The following FAM135A variants were observed in gnomAD, a reference collection of about 807,000 sequenced individuals.
FAM135A encodes the protein protein FAM135A.
In FAM135A, 79 loss-of-function variants were observed where a neutral mutation model predicts 146.8. The ratio of observed to expected loss-of-function variants is 0.54; its 90% CI spans 0.45 to 0.65. The LOEUF is 0.65. Among genes scored for constraint, FAM135A ranks in the 30% least tolerant of loss-of-function variants. The pLI, the probability that FAM135A is intolerant of heterozygous loss-of-function variation, is 0.00. For synonymous variants in FAM135A, 562 were observed against 603.6 expected, an observed-to-expected ratio of 0.93 and a Z score of 1.01; for missense variants, 1,623 against 1,758.2, an observed-to-expected ratio of 0.92 and a Z score of 1.38.
In FAM135A at chr6:70,526,548, T is replaced by C; in HGVS notation, c.3464T>C (p.Phe1155Ser). Residue 1155 changes from phenylalanine (F) to serine (S), a missense_variant, in exon 15 of 22, where the codon TTC (phenylalanine) becomes TCC (serine). Transcript: ENST00000418814. ...GTCTGTACTTCTGGTTGTTTGTCCT[T>C]CCCGTCTGCACCACGAGAGTCTCCT... Reference protein sequence around the residue: ...PTVCTSGCLSFPSAPRESPCN... With the variant: ...PTVCTSGCLSSPSAPRESPCN... 6.2e-7 allele frequency: 1 copy of C among 1,613,558 alleles called. No individual in the cohort carries two copies. The highest frequency in any genetic ancestry group is 8.5e-7 in the Non-Finnish European group (1 of 1,179,674).
chr6:70,513,858 C>A (rs1456421561), intron 12 of FAM135A, among the ~76,000 whole-genome samples: 1 of 151,950 alleles, frequency 6.6e-6, no homozygotes, highest in Non-Finnish European at 1.5e-5. Context: ...CCTCTGTAGT[C>A]TGATTAAAAA....
intron 4 of FAM135A, among the ~76,000 whole-genome samples, chr6:70,441,998 TAAG>T (rs1490171117): frequency 6.6e-6 from 1 of 152,196 alleles, no homozygotes; most frequent in Non-Finnish European, 1.5e-5. Context: ...TACATTTTTA[TAAG>T]AAAAATGCAT....
chr6:70,446,547 G>A (rs1011497959), intron 4 of FAM135A, among the ~76,000 whole-genome samples: 3 of 152,126 alleles, frequency 2.0e-5, no homozygotes, highest in African/African-American at 7.2e-5. Context: ...TTTTTTTCTG[G>A]CCAGGTTCAA....
chr6:70,552,346 CA>C (rs1257548394), intron 20 of FAM135A, among the ~76,000 whole-genome samples: 1 of 150,684 alleles, frequency 6.6e-6, no homozygotes, highest in Non-Finnish European at 1.5e-5. Context: ...AAGAAAAATG[CA>C]AAAAAATGAG....
chr6:70,417,027 A>G (rs1767713548), intron 2 of FAM135A, among the ~76,000 whole-genome samples: 1 of 152,202 alleles, frequency 6.6e-6, no homozygotes, highest in Admixed American at 6.5e-5. Context: ...ATAGAAATGT[A>G]AAAGTATCAG....
intron 12 of FAM135A, among the ~76,000 whole-genome samples, chr6:70,507,363 C>G (rs1790022893): frequency 1.3e-5 from 2 of 152,066 alleles, no homozygotes; most frequent in African/African-American, 4.8e-5. Context: ...CCTACAGGAA[C>G]TGAAGTAGTC....
intron 5 of FAM135A, among the ~76,000 whole-genome samples, chr6:70,461,144 G>A (rs979129925): frequency 2.0e-5 from 3 of 152,056 alleles, no homozygotes; most frequent in African/African-American, 7.2e-5. Context: ...AAATCTTAAT[G>A]TAGTTTAGAA....
chr6:70,486,253 A>G lies in FAM135A; in HGVS notation c.823+4099A>G, dbSNP rs757225680. 1.6e-5 allele frequency: 26 copies of G among 1,611,800 alleles called. No homozygotes were observed. The South Asian group carries it at 1.9e-4, about 12-fold the overall frequency. Reference sequence around the variant, plus strand: ...GAAAGACAACCATCTAGGTACGTTTACAAATAGCTTAAGTAAATGATCCCT... The same window carrying G: ...GAAAGACAACCATCTAGGTACGTTTGCAAATAGCTTAAGTAAATGATCCCT... On this transcript the variant is annotated intron_variant, in intron 10 of 21. Coordinates refer to ENST00000418814, the MANE Select transcript of FAM135A (RefSeq NM_001162529.3).
At chr6:70,438,494 A>G (rs1373712385) in intron 4 of FAM135A, among the ~76,000 whole-genome samples, 1 of 152,244 alleles carries the variant, frequency 6.6e-6, no homozygotes, top group Non-Finnish European at 1.5e-5. Flanking sequence ...TGTCCAGCAT[A>G]TATCTATGTT....
At chr6:70,430,175 A>G (rs143146217) in intron 4 of FAM135A, among the ~76,000 whole-genome samples, 2,832 of 152,156 alleles carry the variant, frequency 0.019, 39 homozygotes, top group Non-Finnish European at 0.028. Context: ...CATCTCTACT[A>G]AAAATATAAA....
chr6:70,524,275 A>G (rs2128347186), intron 14 of FAM135A, 68 bp from the exon 15 acceptor site: 4 of 1,422,296 alleles, frequency 2.8e-6, no homozygotes, highest in Non-Finnish European at 3.7e-6. Context: ...AGTTAGAAAA[A>G]GAAGTCTTAA....
rs542423053 is a variant in FAM135A, at chr6:70,419,938, G to C, written c.-134+4562G>C. ...TGTGCATAATGAGAGTGATATATTC[G>C]TTGCTAACATGAGGCCTAAGGGATT... On this transcript the variant is annotated intron_variant, in intron 2 of 21. Coordinates refer to ENST00000418814, the MANE Select transcript of FAM135A (RefSeq NM_001162529.3). 2.0e-5 allele frequency among the ~76,000 whole-genome samples: 3 copies of C among 152,106 alleles called. No individual in the cohort carries two copies. The South Asian group carries it at 6.2e-4, about 32-fold the overall frequency.
intron 4 of FAM135A, among the ~76,000 whole-genome samples, chr6:70,443,412 A>G (rs779651357): frequency 1.3e-4 from 20 of 152,270 alleles, no homozygotes; most frequent in Non-Finnish European, 2.1e-4. Flanking sequence ...TATGCAGTAC[A>G]GTACAATATG....
At chr6:70,506,844 A>G (rs1022476492) in intron 12 of FAM135A, among the ~76,000 whole-genome samples, 4 of 151,316 alleles carry the variant, frequency 2.6e-5, no homozygotes, top group African/African-American at 9.7e-5. Context: ...GTTCCATTAA[A>G]TTGTTCTGTT....
At chr6:70,539,025 C>T (rs1797355678) in intron 20 of FAM135A, among the ~76,000 whole-genome samples, 1 of 151,836 alleles carries the variant, frequency 6.6e-6, no homozygotes, top group African/African-American at 2.4e-5. Context: ...ACCTAAAGTT[C>T]CCAACTGCTC....
chr6:70,441,863 T>G (rs1023976628), intron 4 of FAM135A, among the ~76,000 whole-genome samples: 1 of 152,060 alleles, frequency 6.6e-6, no homozygotes, highest in Non-Finnish European at 1.5e-5. Context: ...TTTTGTATTT[T>G]TAGTAGAGAT....
At chr6:70,520,104 C>T (rs1292051314) in intron 12 of FAM135A, among the ~76,000 whole-genome samples, 1 of 151,866 alleles carries the variant, frequency 6.6e-6, no homozygotes, top group Non-Finnish European at 1.5e-5. Flanking sequence ...GATATTTCTT[C>T]ATCACGTTCT....
At chr6:70,416,561 G>A (rs1767620601) in intron 2 of FAM135A, among the ~76,000 whole-genome samples, 1 of 152,114 alleles carries the variant, frequency 6.6e-6, no homozygotes, top group Non-Finnish European at 1.5e-5. Flanking sequence ...TAAATAAATG[G>A]ATGGAGCTGA....
At chr6:70,454,151 G>A (rs1777750728) in intron 5 of FAM135A, among the ~76,000 whole-genome samples, 2 of 152,164 alleles carry the variant, frequency 1.3e-5, no homozygotes, top group Admixed American at 6.5e-5. Context: ...TTTTTCTGAT[G>A]ACCAGTGATG....
Sources: gnomAD v4.1 joint callset for allele counts (sites outside exome capture counted in the v4.1 genomes callset) on GRCh38, gnomAD v4.1.1 for gene constraint, MANE v1.5 for transcripts, NCBI Gene and HGNC (gene_info 2026-07-23, HGNC 2026-07-21) for gene names.